Variants in NAALADL2 observed in about 807,000 individuals in gnomAD.
The protein encoded by NAALADL2 is inactive N-acetylated-alpha-linked acidic dipeptidase-like protein 2.
Under a neutral mutation model 87.2 loss-of-function variants are expected in NAALADL2, and 76 were observed. That is an observed-to-expected ratio of 0.87 (90% CI 0.72 to 1.05). The LOEUF is 1.05. Ranked by LOEUF, NAALADL2 falls within the 50% of genes least tolerant of loss-of-function variation. The probability of loss-of-function intolerance (pLI) is 0.00; values close to 1 mark genes in which losing one functional copy is unlikely to be tolerated. For synonymous variants in NAALADL2, 354 were observed against 331.0 expected, an observed-to-expected ratio of 1.07 and a Z score of -0.75; for missense variants, 1,089 against 945.8, an observed-to-expected ratio of 1.15 and a Z score of -1.99.
rs1337582215 is a variant in NAALADL2, at chr3:175,809,529, A to G, written c.*6326A>G. On this transcript the variant is annotated 3_prime_UTR_variant, in exon 14 of 14. Transcript: ENST00000454872. ...TCTCTCTTAAAAAAAAAAAAAAAAA[A>G]AAAAAAAAAAGAAAAGAAAAAGTAG... The G allele has an allele frequency of 2.0e-5, 3 of 150,340 alleles. No individual in the cohort carries two copies. The highest frequency in any genetic ancestry group is 7.3e-5 in the African/African-American group (3 of 41,044). 9.3% of individuals were successfully genotyped at this position (150,340 alleles called of 1,614,324 possible). A position where few individuals can be genotyped will look rare whatever the true frequency, so the allele number is the denominator to read the frequency against.
At chr3:175,615,672 T>G (rs1370675083) in intron 10 of NAALADL2, among the ~76,000 whole-genome samples, 1 of 151,568 alleles carries the variant, frequency 6.6e-6, no homozygotes, top group African/African-American at 2.4e-5. Flanking sequence ...AGCCTGACCA[T>G]CATGGTGAAG....
At chr3:174,546,818 T>C (rs949467244) in intron 1 of NAALADL2, among the ~76,000 whole-genome samples, 1 of 152,074 alleles carries the variant, frequency 6.6e-6, no homozygotes, top group Non-Finnish European at 1.5e-5. Flanking sequence ...CCAACACACC[T>C]GGCAAATTTT....
intron 10 of NAALADL2, among the ~76,000 whole-genome samples, chr3:175,611,198 T>C (rs917219232): frequency 2.0e-5 from 3 of 152,224 alleles, no homozygotes. Flanking sequence ...AATGATTGTA[T>C]AGTTAGATGT....
At chr3:174,751,858 A>G (rs1046274011) in intron 3 of NAALADL2, among the ~76,000 whole-genome samples, 3 of 151,172 alleles carry the variant, frequency 2.0e-5, no homozygotes, top group South Asian at 2.1e-4. Flanking sequence ...TTATGTATGT[A>G]TGTGTGTGTG....
intron 9 of NAALADL2, among the ~76,000 whole-genome samples, chr3:175,508,189 T>C (rs748510019): frequency 3.9e-5 from 6 of 152,230 alleles, no homozygotes; most frequent in Non-Finnish European, 5.9e-5. Flanking sequence ...ACCCAAGTCA[T>C]TCATGAGGGA....
chr3:174,525,082 T>C (rs2108424671), intron 1 of NAALADL2, among the ~76,000 whole-genome samples: 1 of 152,324 alleles, frequency 6.6e-6, no homozygotes, highest in Middle Eastern at 3.4e-3. Context: ...TAGATGTAAA[T>C]ACCACCTATC....
At chr3:174,540,322 C>T (rs1010718235) in intron 1 of NAALADL2, among the ~76,000 whole-genome samples, 5 of 152,080 alleles carry the variant, frequency 3.3e-5, no homozygotes, top group African/African-American at 1.2e-4. Flanking sequence ...GCAGAGACTC[C>T]CTTGTTTTGG....
At chr3:175,489,326 GGATT>G (rs1168911493) in intron 9 of NAALADL2, among the ~76,000 whole-genome samples, 1 of 152,080 alleles carries the variant, frequency 6.6e-6, no homozygotes, top group Non-Finnish European at 1.5e-5. Context: ...TTGGTTGCAT[GGATT>G]GATTAATTAA....
intron 11 of NAALADL2, among the ~76,000 whole-genome samples, chr3:175,730,387 T>C (rs1214769348): frequency 9.9e-6 from 1 of 100,948 alleles, no homozygotes; most frequent in East Asian, 3.4e-4. Flanking sequence ...TTCAGAAAAC[T>C]TAATACAGAT....
At chr3:174,761,127 T>C (rs1712886126) in intron 3 of NAALADL2, among the ~76,000 whole-genome samples, 1 of 152,170 alleles carries the variant, frequency 6.6e-6, no homozygotes, top group African/African-American at 2.4e-5. Context: ...TTTAAACCCT[T>C]CTACTTCTAA....
chr3:174,779,037 C>A (rs1240201924), intron 3 of NAALADL2, among the ~76,000 whole-genome samples: 2 of 152,150 alleles, frequency 1.3e-5, no homozygotes, highest in Non-Finnish European at 2.9e-5. Flanking sequence ...AGTTCTAGAT[C>A]CTTGAGGAAT....
At chr3:175,256,561 G>C in intron 4 of NAALADL2, 31 bp downstream of exon 4, 1 of 1,598,090 alleles carries the variant, frequency 6.3e-7, no homozygotes, top group East Asian at 2.3e-5. Context: ...TCAGTGGTTT[G>C]GTCAATATTT....
rs532765634 is a variant in NAALADL2 at position 174,460,820 on chromosome 3, G to A, written c.-184+19788G>A. On this transcript the variant is annotated intron_variant, in intron 1 of 3. Transcript: ENST00000434257. The stretch of plus-strand genomic sequence containing the variant: ...AATTAGTGTGAGTTTGTTTTGTTGA[G>A]GCTTTCCTCTTCAATTGAGTAAGCT... Among the ~76,000 whole-genome samples, 214 of 151,976 alleles carry A rather than the reference G, an allele frequency of 1.4e-3. 2 individuals are homozygous for A. The highest frequency in any genetic ancestry group is 4.9e-3 in the African/African-American group (203 of 41,486).
rs556646432 is a variant in NAALADL2 at position 175,781,386 on chromosome 3, T to C, written c.2190-21619T>C. Among the ~76,000 whole-genome samples, 7 of 152,204 alleles carry C rather than the reference T, an allele frequency of 4.6e-5. No individual in the cohort carries two copies. The South Asian group carries it at 6.2e-4, about 14-fold the overall frequency. On this transcript the variant is annotated intron_variant, in intron 13 of 13. Coordinates refer to ENST00000454872, the MANE Select transcript of NAALADL2 (RefSeq NM_207015.3). ...GAAAATCTCCTATTGCCTGGTAACA[T>C]AAAGAACAATGCATGACTCATGTGT...
chr3:175,371,607 C>T (rs569248007), intron 5 of NAALADL2, among the ~76,000 whole-genome samples: 12 of 152,010 alleles, frequency 7.9e-5, no homozygotes, highest in African/African-American at 2.9e-4. Flanking sequence ...GGTGGATCAC[C>T]TGAGGTCAGG....
At chr3:175,508,657 G>A (rs1002838978) in intron 9 of NAALADL2, among the ~76,000 whole-genome samples, 3 of 151,948 alleles carry the variant, frequency 2.0e-5, no homozygotes, top group African/African-American at 7.3e-5. Context: ...TTTTACTTCA[G>A]AATGCCTCTA....
chr3:175,042,578 C>T (rs879640089), intron 1 of NAALADL2, among the ~76,000 whole-genome samples: 4 of 152,120 alleles, frequency 2.6e-5, no homozygotes, highest in Admixed American at 2.0e-4. Context: ...CCCTTTCCTC[C>T]ACATCCTCAT....
rs184657911 is a variant in NAALADL2, at chr3:175,542,160, A to G, written c.1654-33881A>G. The stretch of plus-strand genomic sequence containing the variant: ...GTGTAATGGCTTTGAATGAAAATCC[A>G]TCAAACACCATGAAAAATTTACAAG... On this transcript the variant is annotated intron_variant, in intron 9 of 13. Coordinates refer to ENST00000454872, the MANE Select transcript of NAALADL2 (RefSeq NM_207015.3). 1.7e-4 allele frequency among the ~76,000 whole-genome samples: 26 copies of G among 152,342 alleles called. No individual in the cohort carries two copies. In the East Asian group the frequency reaches 3.9e-3, roughly 23 times the overall value.
chr3:175,032,621 G>T (rs1752933434), intron 1 of NAALADL2, among the ~76,000 whole-genome samples: 2 of 152,074 alleles, frequency 1.3e-5, no homozygotes, highest in South Asian at 4.1e-4. Context: ...TACCTGGCAG[G>T]CTCTTTCCCA....
Sources: gnomAD v4.1 joint callset for allele counts (sites outside exome capture counted in the v4.1 genomes callset) on GRCh38, gnomAD v4.1.1 for gene constraint, MANE v1.5 for transcripts, NCBI Gene and HGNC (gene_info 2026-07-23, HGNC 2026-07-21) for gene names.